CEP170: variants seen among roughly 807,000 people sequenced by gnomAD.
CEP170 encodes centrosomal protein of 170 kDa.
CEP170 carries 21 observed loss-of-function variants against 151.9 expected under a neutral mutation model. The observed-to-expected ratio is 0.14, with a 90% CI of 0.10 to 0.20. The LOEUF (loss-of-function observed/expected upper bound fraction) is 0.20, where lower values mean the gene tolerates loss of function less well. CEP170 is among the 10% of genes least tolerant of loss of function. CEP170 has a pLI of 1.00. For synonymous variants in CEP170, 356 were observed against 648.8 expected, an observed-to-expected ratio of 0.55 and a Z score of 6.86; for missense variants, 964 against 1,892.9, an observed-to-expected ratio of 0.51 and a Z score of 9.11.
chr1:243,178,019 A>G (rs1323888681), intron 10 of CEP170, among the ~76,000 whole-genome samples: 3 of 152,116 alleles, frequency 2.0e-5, no homozygotes, highest in East Asian at 3.9e-4. Flanking sequence ...ACGCAATAAG[A>G]TATTTATTCA....
In CEP170 at chr1:243,129,055, T is replaced by C. The variant is rs995478741; in HGVS notation, c.4413+305A>G. Among the ~76,000 whole-genome samples, 357 of 152,194 alleles carry C rather than the reference T, an allele frequency of 2.3e-3. 1 individual carries two copies. The highest frequency in any genetic ancestry group is 8.4e-3 in the African/African-American group (349 of 41,532). Reference sequence around the variant, plus strand: ...ATTAAGTAAACGGAAACGACTTATGTCAACTTAATATTTTCATGTTAGATT... The same window carrying C: ...ATTAAGTAAACGGAAACGACTTATGCCAACTTAATATTTTCATGTTAGATT... On this transcript the variant is annotated intron_variant, in intron 18 of 19. Coordinates refer to ENST00000366542, the MANE Select transcript of CEP170 (RefSeq NM_014812.3).
chr1:243,190,921 T>G, intron 8 of CEP170, 97 bp downstream of exon 8: 1 of 1,438,272 alleles, frequency 7.0e-7, no homozygotes, highest in Non-Finnish European at 9.2e-7. Flanking sequence ...AAGCAGAATG[T>G]TTTCTACCAT....
chr1:243,225,786 T>C (rs2063171710), intron 1 of CEP170, among the ~76,000 whole-genome samples: 1 of 152,076 alleles, frequency 6.6e-6, no homozygotes, highest in African/African-American at 2.4e-5. Flanking sequence ...CCAAATAAAT[T>C]GCTCTTTTGT....
intron 12 of CEP170, among the ~76,000 whole-genome samples, chr1:243,166,758 AT>A (rs1387598652): frequency 6.6e-6 from 1 of 152,028 alleles, no homozygotes; most frequent in Admixed American, 6.6e-5. Context: ...CTATTTATGA[AT>A]TGACAAAAAT....
intron 10 of CEP170, among the ~76,000 whole-genome samples, chr1:243,173,426 C>T (rs2059000199): frequency 6.6e-6 from 1 of 151,458 alleles, no homozygotes; most frequent in Non-Finnish European, 1.5e-5. Flanking sequence ...ATATTCAAGA[C>T]ATATTTTATT....
In CEP170 at chr1:243,191,340, G is replaced by C; in HGVS notation, c.786C>G (p.Ile262Met). ...GGGAACTTGGCGTGTCTTTTGTTGG[G>C]ATTTCATGAATAGTGCTTTCTGTTA... Reference protein sequence around the residue: ...SQITESTIHEIPTKDTPSSHI... With the variant: ...SQITESTIHEMPTKDTPSSHI... Residue 262 changes from isoleucine to methionine, a missense_variant, in exon 8 of 20, where the codon ATC becomes ATG. Coordinates refer to ENST00000366542, the MANE Select transcript of CEP170 (RefSeq NM_014812.3). The C allele has an allele frequency of 1.9e-6, 3 of 1,612,990 alleles. No homozygotes were observed. Among genetic ancestry groups the C allele is most frequent in the South Asian group, 2.2e-5 (2 of 90,946 alleles).
At chr1:243,127,888 A>C (rs1191313424) in intron 19 of CEP170, among the ~76,000 whole-genome samples, 6 of 152,168 alleles carry the variant, frequency 3.9e-5, no homozygotes, top group South Asian at 2.1e-4. Flanking sequence ...TACACCACCA[A>C]CATAATTTAA....
chr1:243,160,122 T>C (rs1572346479), intron 13 of CEP170, among the ~76,000 whole-genome samples: 1 of 152,196 alleles, frequency 6.6e-6, no homozygotes, highest in African/African-American at 2.4e-5. Flanking sequence ...AAATTTCTCA[T>C]GTAATGATAG....
At chr1:243,250,104 C>T (rs1376028329) in intron 1 of CEP170, among the ~76,000 whole-genome samples, 1 of 152,042 alleles carries the variant, frequency 6.6e-6, no homozygotes, top group East Asian at 1.9e-4. Context: ...AAAAAGGCCC[C>T]AAAAACAAAC....
At chr1:243,172,877 A>G in intron 10 of CEP170, 31 bp from the exon 11 acceptor site, 2 of 1,516,918 alleles carry the variant, frequency 1.3e-6, no homozygotes, top group Non-Finnish European at 1.8e-6. Flanking sequence ...ATAAATGAAA[A>G]CGAAAAGTCT....
chr1:243,230,305 C>A (rs1339742785), intron 1 of CEP170, among the ~76,000 whole-genome samples: 1 of 151,568 alleles, frequency 6.6e-6, no homozygotes, highest in Non-Finnish European at 1.5e-5. Flanking sequence ...TGCCTCAAAA[C>A]AAATGAATAA....
In CEP170 at chr1:243,165,291, G is replaced by C; in HGVS notation, c.2669C>G (p.Thr890Arg). The C allele has an allele frequency of 2.6e-6, 4 of 1,522,818 alleles. No homozygotes were observed. Among genetic ancestry groups the C allele is most frequent in the Middle Eastern group, 1.7e-4 (1 of 5,774 alleles). 94.3% of individuals were successfully genotyped at this position (1,522,818 alleles called of 1,614,324 possible). ...ESLDPDSSMD[T>R]TLILKDTEAV... Reference sequence around the variant, plus strand: ...TTCTGTGTCTTTTAGAATAAGGGTTGTGTCCATACTAGAATCAGGATCCAA... The same window carrying C: ...TTCTGTGTCTTTTAGAATAAGGGTTCTGTCCATACTAGAATCAGGATCCAA... The change falls in exon 13 of 20, where the codon ACA (threonine) becomes AGA (arginine). Residue 890 changes from threonine (T) to arginine (R), a missense_variant. Coordinates refer to ENST00000366542, the MANE Select transcript of CEP170 (RefSeq NM_014812.3).
intron 6 of CEP170, among the ~76,000 whole-genome samples, chr1:243,200,205 A>G (rs1425718651): frequency 2.0e-5 from 3 of 152,082 alleles, no homozygotes; most frequent in Non-Finnish European, 2.9e-5. Context: ...CATTTTACAT[A>G]AGGAACTTGA....
chr1:243,241,986 G>C (rs917861972), intron 1 of CEP170, among the ~76,000 whole-genome samples: 2 of 152,026 alleles, frequency 1.3e-5, no homozygotes, highest in South Asian at 4.2e-4. Flanking sequence ...CAGACTGGAG[G>C]AGGAGACTAC....
chr1:243,178,676 A>T lies in CEP170; in HGVS notation c.1567-5830T>A, dbSNP rs138299620. Among the ~76,000 whole-genome samples, 171 of 152,060 alleles carry T rather than the reference A, an allele frequency of 1.1e-3. 1 individual carries two copies. Among genetic ancestry groups the T allele is most frequent in the Non-Finnish European group, 1.8e-3 (124 of 67,992 alleles). ...GCTAAAATAGTCAATTTCATATTATATGAATTTTACCTCATATTTTCTTTA... is the reference window on the plus strand; with the variant it reads ...GCTAAAATAGTCAATTTCATATTATTTGAATTTTACCTCATATTTTCTTTA... On this transcript the variant is annotated intron_variant, in intron 10 of 19. Transcript: ENST00000366542.
intron 3 of CEP170, 124 bp downstream of exon 3, chr1:243,221,600 A>T: frequency 2.1e-6 from 2 of 945,338 alleles, no homozygotes; most frequent in East Asian, 2.7e-5. Context: ...GTACCTGATA[A>T]GCATTTGAAA....
At position 243,162,276 on chromosome 1, in the gene CEP170, C is replaced by G. The variant is rs369600950; in HGVS notation, c.3676+2008G>C. On this transcript the variant is annotated intron_variant, in intron 13 of 19. Coordinates refer to ENST00000366542, the MANE Select transcript of CEP170 (RefSeq NM_014812.3). ...CTATTTCTTAGAGCTAGAATAGATA[C>G]GGTAGAAAAACAGGCTGGGGATTAA... 9.2e-5 allele frequency among the ~76,000 whole-genome samples: 14 copies of G among 152,288 alleles called. No individual in the cohort carries two copies. The South Asian group carries it at 2.7e-3, about 29-fold the overall frequency.
chr1:243,248,149 A>G (rs1261659656), intron 1 of CEP170, among the ~76,000 whole-genome samples: 1 of 152,230 alleles, frequency 6.6e-6, no homozygotes, highest in Admixed American at 6.5e-5. Flanking sequence ...AACCAGATTT[A>G]AAAAAGGAAA....
intron 4 of CEP170, among the ~76,000 whole-genome samples, chr1:243,208,798 C>T (rs1233319184): frequency 6.6e-6 from 1 of 152,178 alleles, no homozygotes; most frequent in African/African-American, 2.4e-5. Context: ...GCTGTCAGTC[C>T]CTTCAACCCC....
Sources: allele counts gnomAD v4.1 joint callset (sites outside exome capture counted in the v4.1 genomes callset), GRCh38; gene constraint gnomAD v4.1.1; transcripts MANE v1.5; gene names NCBI Gene and HGNC (gene_info 2026-07-23, HGNC 2026-07-21).